The following SCHIP1 variants were observed in gnomAD, a reference collection of about 807,000 sequenced individuals.
SCHIP1 encodes schwannomin interacting protein 1, also known as schwannomin-interacting protein 1.
Under a neutral mutation model 29.7 loss-of-function variants are expected in SCHIP1, and 8 were observed. The observed-to-expected ratio is 0.27, with a 90% confidence interval of 0.16 to 0.49. The LOEUF is 0.49. SCHIP1 is among the 20% of genes least tolerant of loss of function. The pLI is 0.99. For missense variants in SCHIP1, 193 were observed against 294.6 expected, an observed-to-expected ratio of 0.66 and a Z score of 2.52; for synonymous variants, 76 against 94.9, an observed-to-expected ratio of 0.80 and a Z score of 1.16.
chr3:159,440,373 G>T, the SCHIP1 span, among the ~76,000 whole-genome samples: 1 of 151,894 alleles, frequency 6.6e-6, no homozygotes, highest in Non-Finnish European at 1.5e-5. Context: ...CTTTTTCTGC[G>T]GTCATTTTTC....
the SCHIP1 span, among the ~76,000 whole-genome samples, chr3:159,629,642 T>C: frequency 3.9e-5 from 6 of 152,198 alleles, no homozygotes; most frequent in African/African-American, 1.4e-4. Flanking sequence ...TCTGCATCTG[T>C]AAAGTGGGCT....
the SCHIP1 span, among the ~76,000 whole-genome samples, chr3:159,426,773 C>G: frequency 6.6e-6 from 1 of 152,102 alleles, no homozygotes; most frequent in Non-Finnish European, 1.5e-5. Flanking sequence ...AACATTGATG[C>G]AAAAATCCTC....
At chr3:159,275,494 T>G in the SCHIP1 span, among the ~76,000 whole-genome samples, 1 of 152,176 alleles carries the variant, frequency 6.6e-6, no homozygotes, top group Non-Finnish European at 1.5e-5. Flanking sequence ...CAGATTTTAT[T>G]CTGATTCAGA....
the SCHIP1 span, among the ~76,000 whole-genome samples, chr3:159,773,241 A>G: frequency 6.6e-6 from 1 of 152,166 alleles, no homozygotes; most frequent in African/African-American, 2.4e-5. Context: ...CAGGGAGACT[A>G]TTTTGCACTA....
chr3:159,462,774 CA>C, the SCHIP1 span, among the ~76,000 whole-genome samples: 1 of 152,058 alleles, frequency 6.6e-6, no homozygotes, highest in African/African-American at 2.4e-5. Flanking sequence ...AGAGAAACAC[CA>C]TTTTATCCAA....
the SCHIP1 span, among the ~76,000 whole-genome samples, chr3:159,632,210 T>C: frequency 6.6e-6 from 1 of 152,142 alleles, no homozygotes; most frequent in African/African-American, 2.4e-5. Context: ...GGAGGAGATG[T>C]AGCCTGAATC....
chr3:159,641,291 T>A, the SCHIP1 span, among the ~76,000 whole-genome samples: 1 of 152,196 alleles, frequency 6.6e-6, no homozygotes, highest in African/African-American at 2.4e-5. Context: ...GATTTGGATT[T>A]GTGATCTTTT....
At chr3:159,877,059 C>G (rs915639555) in intron 2 of SCHIP1, among the ~76,000 whole-genome samples, 1 of 152,200 alleles carries the variant, frequency 6.6e-6, no homozygotes, top group African/African-American at 2.4e-5. Flanking sequence ...AGATACATCC[C>G]TATTTTAGGC....
intron 2 of SCHIP1, among the ~76,000 whole-genome samples, chr3:159,881,852 C>T (rs1297251885): frequency 1.3e-5 from 2 of 152,180 alleles, no homozygotes; most frequent in Non-Finnish European, 2.9e-5. Context: ...CTTGGACAGG[C>T]TTATTCAGTC....
chr3:159,491,919 A>G, the SCHIP1 span, among the ~76,000 whole-genome samples: 1 of 152,328 alleles, frequency 6.6e-6, no homozygotes, highest in East Asian at 1.9e-4. Context: ...AGGAACGATC[A>G]GGCAGCAGCA....
At chr3:159,455,733 T>C in the SCHIP1 span, among the ~76,000 whole-genome samples, 2 of 152,216 alleles carry the variant, frequency 1.3e-5, no homozygotes, top group South Asian at 4.1e-4. Context: ...ACACCACAGA[T>C]GCCTCAAGTA....
chr3:159,281,535 T>C, the SCHIP1 span, among the ~76,000 whole-genome samples: 3 of 152,226 alleles, frequency 2.0e-5, no homozygotes, highest in African/African-American at 7.2e-5. Context: ...TGTATGTACA[T>C]TTTGTATTTT....
chr3:159,612,707 A>G, the SCHIP1 span, among the ~76,000 whole-genome samples: 3 of 152,232 alleles, frequency 2.0e-5, no homozygotes, highest in Non-Finnish European at 2.9e-5. Flanking sequence ...AGATCACGCC[A>G]TTGCACTCCA....
At chr3:159,750,296 T>TATATATATATATATATATACAC in the SCHIP1 span, among the ~76,000 whole-genome samples, 2 of 132,744 alleles carry the variant, frequency 1.5e-5, no homozygotes, top group African/African-American at 6.2e-5. Context: ...TATATATATA[T>TATATATATATATATATATACAC]ACACACACAC....
the SCHIP1 span, among the ~76,000 whole-genome samples, chr3:159,660,698 A>T: frequency 6.6e-6 from 1 of 152,214 alleles, no homozygotes; most frequent in Non-Finnish European, 1.5e-5. Flanking sequence ...GGGCAAGATG[A>T]AATCTCAGGA....
chr3:159,859,470 C>T (rs145396430), intron 1 of SCHIP1, among the ~76,000 whole-genome samples: 199 of 152,266 alleles, frequency 1.3e-3, no homozygotes, highest in African/African-American at 4.4e-3. Flanking sequence ...GAAATAAGAG[C>T]GACTACCACT....
the SCHIP1 span, among the ~76,000 whole-genome samples, chr3:159,500,436 G>T: frequency 6.6e-5 from 10 of 152,100 alleles, no homozygotes; most frequent in East Asian, 1.9e-3. Context: ...AGACCAGGCT[G>T]GGCATGTTGG....
chr3:159,394,992 A>C, the SCHIP1 span, among the ~76,000 whole-genome samples: 1 of 152,082 alleles, frequency 6.6e-6, no homozygotes, highest in Admixed American at 6.6e-5. Context: ...ACAAATTCAG[A>C]TCCTGTTATT....
At chr3:159,377,987 G>A in the SCHIP1 span, among the ~76,000 whole-genome samples, 1 of 152,196 alleles carries the variant, frequency 6.6e-6, no homozygotes, top group Non-Finnish European at 1.5e-5. Flanking sequence ...TGTGGAGCCA[G>A]AAAATAGGAT....
Sources: allele counts gnomAD v4.1 joint callset (sites outside exome capture counted in the v4.1 genomes callset), GRCh38; gene constraint gnomAD v4.1.1; transcripts MANE v1.5; gene names NCBI Gene and HGNC (gene_info 2026-07-23, HGNC 2026-07-21).